The following ZBTB46 variants were observed in gnomAD, a reference collection of about 807,000 sequenced individuals.
ZBTB46 encodes the protein zinc finger and BTB domain-containing protein 46.
Under a neutral mutation model 44.1 loss-of-function variants are expected in ZBTB46, and 8 were observed. The observed-to-expected ratio is 0.18, with a 90% CI of 0.11 to 0.33. ZBTB46 has a LOEUF of 0.33. Ranked by LOEUF, ZBTB46 falls within the 10% of genes least tolerant of loss-of-function variation. The pLI is 1.00. For missense variants in ZBTB46, 651 were observed against 847.7 expected, an observed-to-expected ratio of 0.77 and a Z score of 2.88; for synonymous variants, 409 against 382.3, an observed-to-expected ratio of 1.07 and a Z score of -0.81.
intron 1 of ZBTB46, among the ~76,000 whole-genome samples, chr20:63,798,960 G>A (rs2092623957): frequency 6.6e-6 from 1 of 152,230 alleles, no homozygotes; most frequent in Admixed American, 6.5e-5. Flanking sequence ...GAAGACAAAG[G>A]TGGCCGCAGC....
At chr20:63,795,237 A>G (rs542015582) in intron 1 of ZBTB46, among the ~76,000 whole-genome samples, 19 of 152,364 alleles carry the variant, frequency 1.2e-4, no homozygotes, top group Admixed American at 6.5e-4. Context: ...GGGCATCAGC[A>G]TAACCACTCT....
rs1230165725 is a variant in ZBTB46, at chr20:63,791,222, G to A, written c.-33-432C>T. ...AAAGAATAAAACTTCCAGGCTGGGC[G>A]CGGTGGCTCATGCCTGTAATCCCAG... On this transcript the variant is annotated intron_variant, in intron 1 of 4. Transcript: ENST00000245663. 3.9e-5 allele frequency among the ~76,000 whole-genome samples: 6 copies of A among 152,188 alleles called. No individual in the cohort carries two copies. In the South Asian group the frequency reaches 6.2e-4, roughly 16 times the overall value.
chr20:63,812,126 A>C (rs1485358598), intron 1 of ZBTB46, among the ~76,000 whole-genome samples: 1 of 152,248 alleles, frequency 6.6e-6, no homozygotes, highest in African/African-American at 2.4e-5. Flanking sequence ...CTTTTCCTAC[A>C]TAAAAAAAAG....
Position 63,803,607 on chromosome 20 carries a change from C to A in ZBTB46, c.-33-12817G>T. ...TCTCTGTCGGAGGCCCTGCCAGCCC[C>A]GCCCCTCCCTGCCCACTGGCCCCTT... On this transcript the variant is annotated intron_variant, in intron 1 of 4. Transcript: ENST00000245663. The surrounding 1 kb of genome is among the most constrained non-coding windows in gnomAD (Gnocchi z 4.0). The A allele has an allele frequency of 2.5e-6, 2 of 808,374 alleles. No homozygotes were observed. Among genetic ancestry groups the A allele is most frequent in the South Asian group, 5.6e-5 (1 of 17,846 alleles). The allele number at this position is 808,374 out of a possible 1,614,324, so 50.1% of individuals were successfully genotyped here. A position where few individuals can be genotyped will look rare whatever the true frequency, so the allele number is the denominator to read the frequency against.
At position 63,803,680 on chromosome 20, in the gene ZBTB46, C is replaced by T. The variant is rs114592076; in HGVS notation, c.-33-12890G>A. ...GGCTCTGACGCCCAGGCCGCCTCCT[C>T]CGCCTTCCCGAACCTGGCTACCGTC... On this transcript the variant is annotated intron_variant, in intron 1 of 4. Transcript: ENST00000245663. This position sits in a 1 kb window ranked among gnomAD's most constrained non-coding sequence, Gnocchi z 4.0. 2.3e-4 allele frequency among the ~76,000 whole-genome samples: 35 copies of T among 152,240 alleles called. No individual in the cohort carries two copies. The highest frequency in any genetic ancestry group is 8.4e-4 in the African/African-American group (35 of 41,550).
intron 1 of ZBTB46, among the ~76,000 whole-genome samples, chr20:63,813,190 T>G (rs1388433223): frequency 6.6e-6 from 1 of 152,152 alleles, no homozygotes; most frequent in East Asian, 1.9e-4. Context: ...GGCTCACACC[T>G]GTAATCCCAG....
At chr20:63,833,133 A>G (rs574133025), upstream of ZBTB46, among the ~76,000 whole-genome samples, 1 of 152,332 alleles carries the variant, frequency 6.6e-6, no homozygotes, top group South Asian at 2.1e-4. Context: ...ATGGTTTGCC[A>G]TGTCCGTTGT....
At position 63,767,061 on chromosome 20, in the gene ZBTB46, C is replaced by T. The variant is rs1002904227; in HGVS notation, c.1222+8617G>A. 3.9e-5 allele frequency among the ~76,000 whole-genome samples: 6 copies of T among 152,210 alleles called. No homozygotes were observed. Among genetic ancestry groups the T allele is most frequent in the Non-Finnish European group, 7.3e-5 (5 of 68,034 alleles). On this transcript the variant is annotated intron_variant, in intron 3 of 4. Transcript: ENST00000245663. This position sits in a 1 kb window ranked among gnomAD's most constrained non-coding sequence, Gnocchi z 5.0. Reference sequence around the variant, plus strand: ...AAGCTGACATTGAACCTAACACGTCCGACGAGGACGGGCAAGGGCACCGCG... The same window carrying T: ...AAGCTGACATTGAACCTAACACGTCTGACGAGGACGGGCAAGGGCACCGCG...
At chr20:63,817,642 G>A (rs1230901524) in intron 1 of ZBTB46, among the ~76,000 whole-genome samples, 1 of 151,730 alleles carries the variant, frequency 6.6e-6, no homozygotes, top group Non-Finnish European at 1.5e-5. Context: ...CTTAAACCTG[G>A]GAGGTGGAGG....
rs557986542 is a variant in ZBTB46 at position 63,767,083 on chromosome 20, C to T, written c.1222+8595G>A. ...GTCCGACGAGGACGGGCAAGGGCAC[C>T]GCGGGGCGCTCTTTCTGAAAAGCAG... On this transcript the variant is annotated intron_variant, in intron 3 of 4. Transcript: ENST00000245663. This position sits in a 1 kb window ranked among gnomAD's most constrained non-coding sequence, Gnocchi z 5.0. 5.3e-5 allele frequency among the ~76,000 whole-genome samples: 8 copies of T among 152,358 alleles called. No individual in the cohort carries two copies. Among genetic ancestry groups the T allele is most frequent in the East Asian group, 1.9e-4 (1 of 5,190 alleles).
chr20:63,821,481 C>A (rs1191777881), intron 1 of ZBTB46, among the ~76,000 whole-genome samples: 7 of 149,954 alleles, frequency 4.7e-5, no homozygotes, highest in Admixed American at 4.0e-4. Context: ...CTCTTGTTGC[C>A]CAGGCTGGAG....
intron 3 of ZBTB46, among the ~76,000 whole-genome samples, chr20:63,758,314 C>T (rs929877463): frequency 6.6e-6 from 1 of 151,614 alleles, no homozygotes; most frequent in Non-Finnish European, 1.5e-5. Context: ...TGCCCAGAGC[C>T]TGCTGAAATT....
At chr20:63,801,509 G>A (rs576077830) in intron 1 of ZBTB46, among the ~76,000 whole-genome samples, 1 of 152,298 alleles carries the variant, frequency 6.6e-6, no homozygotes, top group African/African-American at 2.4e-5. Context: ...ACCAGCAGTG[G>A]CAACTTGCTG....
At chr20:63,802,318 G>A (rs2092652110) in intron 1 of ZBTB46, among the ~76,000 whole-genome samples, 1 of 152,030 alleles carries the variant, frequency 6.6e-6, no homozygotes, top group Non-Finnish European at 1.5e-5. Context: ...AGCTACTCAG[G>A]AGGCTGAGGC....
At chr20:63,776,972 G>A (rs1415558021) in intron 2 of ZBTB46, among the ~76,000 whole-genome samples, 6 of 151,982 alleles carry the variant, frequency 3.9e-5, no homozygotes, top group Non-Finnish European at 5.9e-5. Flanking sequence ...CTAAGGAAAC[G>A]CAAAACACAA....
At chr20:63,816,349 A>ACAGGCTAG (rs112675543) in intron 1 of ZBTB46, 32,938 of 175,662 alleles carry the variant, frequency 0.19, 3,624 homozygotes, top group East Asian at 0.48. Flanking sequence ...GTCTCTCCTC[A>ACAGGCTAG]CAGGCTCACA....
intron 3 of ZBTB46, among the ~76,000 whole-genome samples, chr20:63,766,869 G>A (rs1471207210): frequency 2.0e-5 from 3 of 152,222 alleles, no homozygotes; most frequent in Non-Finnish European, 4.4e-5. Context: ...GGTGGGACGC[G>A]TCTCTGGCCT....
intron 1 of ZBTB46, among the ~76,000 whole-genome samples, chr20:63,806,984 GTGTTAGCCAGGA>G (rs2092685733): frequency 6.6e-6 from 1 of 151,972 alleles, no homozygotes; most frequent in Non-Finnish European, 1.5e-5. Flanking sequence ...GGGTTTCACC[GTGTTAGCCAGGA>G]TAGTCGCGAT....
chr20:63,814,469 C>T (rs535060998), intron 1 of ZBTB46, among the ~76,000 whole-genome samples: 33 of 152,286 alleles, frequency 2.2e-4, no homozygotes, highest in South Asian at 8.3e-4. Flanking sequence ...TACAATCCAG[C>T]GGTGCAAATG....
Sources: gnomAD v4.1 joint callset for allele counts (sites outside exome capture counted in the v4.1 genomes callset) on GRCh38, gnomAD v4.1.1 for gene constraint, Gnocchi (gnomAD v3.1) non-coding constraint, MANE v1.5 for transcripts, NCBI Gene and HGNC (gene_info 2026-07-23, HGNC 2026-07-21) for gene names.